The following ADGRL2 variants were observed in gnomAD, a reference collection of about 807,000 sequenced individuals.
ADGRL2 encodes adhesion G protein-coupled receptor L2, also known as calcium-independent alpha-latrotoxin receptor 2.
ADGRL2 carries 44 observed loss-of-function variants against 157.4 expected under a neutral mutation model. The observed-to-expected ratio is 0.28, with a 90% CI of 0.22 to 0.36. ADGRL2 has a LOEUF of 0.36. ADGRL2 is among the 10% of genes least tolerant of loss of function. The pLI, the probability that ADGRL2 is intolerant of heterozygous loss-of-function variation, is 1.00. For missense variants in ADGRL2, 1,510 were observed against 1,768.9 expected, an observed-to-expected ratio of 0.85 and a Z score of 2.63; for synonymous variants, 585 against 624.7, an observed-to-expected ratio of 0.94 and a Z score of 0.95.
chr1:81,872,828 T>A (rs1557819352), intron 2 of ADGRL2, among the ~76,000 whole-genome samples: 1 of 152,148 alleles, frequency 6.6e-6, no homozygotes, highest in Non-Finnish European at 1.5e-5. Context: ...ATGGTGTTAA[T>A]GCCTGTTAGT....
chr1:81,425,256 G>A (rs4303112), intron 1 of ADGRL2, among the ~76,000 whole-genome samples: 143,740 of 152,266 alleles, frequency 0.94, 68,208 homozygotes, highest in Non-Finnish European at 0.99. Flanking sequence ...ACACAATCAC[G>A]TACCCATGCA....
intron 2 of ADGRL2, among the ~76,000 whole-genome samples, chr1:81,848,048 C>A (rs1328964582): frequency 5.9e-5 from 9 of 151,612 alleles, no homozygotes; most frequent in African/African-American, 2.2e-4. Flanking sequence ...GATTTTTCCA[C>A]TTTTTAGTAT....
chr1:81,834,556 G>A (rs1194970990), intron 1 of ADGRL2, among the ~76,000 whole-genome samples: 2 of 152,066 alleles, frequency 1.3e-5, no homozygotes. Context: ...TTTAATGGAA[G>A]GTTGTTTAAA....
chr1:81,958,569 C>T (rs1465599051), intron 11 of ADGRL2, among the ~76,000 whole-genome samples: 2 of 152,140 alleles, frequency 1.3e-5, no homozygotes, highest in African/African-American at 4.8e-5. Context: ...CTTAATAATA[C>T]ATGACTCCAT....
chr1:81,803,911 T>C (rs2088713061), intron 1 of ADGRL2, among the ~76,000 whole-genome samples: 1 of 152,210 alleles, frequency 6.6e-6, no homozygotes, highest in Admixed American at 6.5e-5. Context: ...TGCTCTTTGC[T>C]CAACGAAGTT....
chr1:81,426,996 A>T (rs1184680625), intron 1 of ADGRL2: 1 of 912,150 alleles, frequency 1.1e-6, no homozygotes. Context: ...ACAGTTGATA[A>T]CATTGTTATT....
At chr1:81,734,815 C>T (rs1199376259) in intron 1 of ADGRL2, among the ~76,000 whole-genome samples, 5 of 148,698 alleles carry the variant, frequency 3.4e-5, no homozygotes, top group African/African-American at 9.8e-5. Context: ...GGATGAATCA[C>T]CTGAGGTCGG....
At chr1:81,506,159 A>G (rs2078971360) in intron 2 of ADGRL2, 1 of 155,078 alleles carries the variant, frequency 6.4e-6, no homozygotes, top group South Asian at 2.0e-4. Context: ...AACTGGAAAG[A>G]GCGGGACAGG....
At chr1:81,602,788 C>T (rs1325246950) in intron 3 of ADGRL2, among the ~76,000 whole-genome samples, 1 of 150,386 alleles carries the variant, frequency 6.6e-6, no homozygotes, top group African/African-American at 2.5e-5. Context: ...ATCCCAGCTA[C>T]TCGGGGGGCT....
chr1:81,761,382 T>A (rs2085876017), intron 1 of ADGRL2, among the ~76,000 whole-genome samples: 1 of 151,930 alleles, frequency 6.6e-6, no homozygotes, highest in African/African-American at 2.4e-5. Context: ...CAAATTAGGT[T>A]TATTATACTT....
intron 3 of ADGRL2, among the ~76,000 whole-genome samples, chr1:81,664,031 A>C (rs55753739): frequency 0.13 from 19,711 of 152,122 alleles, 1,415 homozygotes; most frequent in South Asian, 0.16. Context: ...CTCTGGTATT[A>C]CTAGAGGTTA....
intron 2 of ADGRL2, among the ~76,000 whole-genome samples, chr1:81,858,962 C>A (rs2093301620): frequency 6.6e-6 from 1 of 152,092 alleles, no homozygotes; most frequent in Non-Finnish European, 1.5e-5. Context: ...ATTTTTACTA[C>A]ATATTGGACA....
intron 2 of ADGRL2, among the ~76,000 whole-genome samples, chr1:81,844,953 A>T (rs949687103): frequency 4.6e-5 from 7 of 152,230 alleles, no homozygotes; most frequent in Admixed American, 3.9e-4. Context: ...ATGAGAAAAG[A>T]GAAAATTAAA....
intron 10 of ADGRL2, 46 bp downstream of exon 10, chr1:81,953,071 C>T (rs757355468): frequency 9.3e-6 from 14 of 1,502,494 alleles, no homozygotes; most frequent in Non-Finnish European, 1.3e-5. Flanking sequence ...TCTTCAGCTA[C>T]CTGCCACGCT....
At chr1:81,419,235 G>T (rs1174017855) in intron 1 of ADGRL2, among the ~76,000 whole-genome samples, 1 of 151,874 alleles carries the variant, frequency 6.6e-6, no homozygotes, top group East Asian at 1.9e-4. Context: ...ACGGAGTCTT[G>T]CTCTGTCACC....
intron 3 of ADGRL2, among the ~76,000 whole-genome samples, chr1:81,588,971 C>G (rs2148579198): frequency 6.6e-6 from 1 of 152,236 alleles, no homozygotes; most frequent in South Asian, 2.1e-4. Flanking sequence ...GACTCAAAAC[C>G]TGAAGTTGCA....
At chr1:81,557,485 G>GA (rs2080325346) in intron 2 of ADGRL2, 1 of 82,456 alleles carries the variant, frequency 1.2e-5, no homozygotes, top group Non-Finnish European at 2.2e-5. Context: ...AAAGAAAGAA[G>GA]AAAGAAAGAA....
intron 1 of ADGRL2, among the ~76,000 whole-genome samples, chr1:81,417,762 G>A (rs1000826055): frequency 3.7e-4 from 57 of 152,042 alleles, no homozygotes; most frequent in African/African-American, 1.3e-3. Flanking sequence ...AACAAGATTT[G>A]ATATATTTCT....
At chr1:81,821,870 T>G (rs2091013968) in intron 1 of ADGRL2, among the ~76,000 whole-genome samples, 1 of 152,268 alleles carries the variant, frequency 6.6e-6, no homozygotes, top group South Asian at 2.1e-4. Flanking sequence ...CAATGTTGTT[T>G]GATTTGTAAA....
Sources: allele counts gnomAD v4.1 joint callset (sites outside exome capture counted in the v4.1 genomes callset), GRCh38; gene constraint gnomAD v4.1.1; transcripts MANE v1.5; gene names NCBI Gene and HGNC (gene_info 2026-07-23, HGNC 2026-07-21).